Variants in SDCCAG8 observed in about 807,000 individuals in gnomAD.
SDCCAG8 encodes the protein serologically defined colon cancer antigen 8.
Under a neutral mutation model 101.8 loss-of-function variants are expected in SDCCAG8, and 74 were observed. The observed-to-expected ratio is 0.73, with a 90% CI of 0.60 to 0.88. The LOEUF (loss-of-function observed/expected upper bound fraction) is 0.88. Among genes scored for constraint, SDCCAG8 ranks in the 40% least tolerant of loss-of-function variants. The probability of loss-of-function intolerance (pLI) is 0.00; values close to 1 mark genes in which losing one functional copy is unlikely to be tolerated. For synonymous variants in SDCCAG8, 281 were observed against 292.9 expected (o/e 0.96, Z 0.41); for missense variants, 787 against 822.6 (o/e 0.96, Z 0.53).
At chr1:243,308,469 G>A (rs2072383514) in intron 8 of SDCCAG8, among the ~76,000 whole-genome samples, 3 of 152,188 alleles carry the variant, frequency 2.0e-5, no homozygotes, top group African/African-American at 7.2e-5. Flanking sequence ...AGTTCTTTAC[G>A]ATTCTGTCCA....
Position 243,281,650 on chromosome 1 carries a change from C to CTT in SDCCAG8, c.421-4605_421-4604dup, listed in dbSNP as rs35028868. Among the ~76,000 whole-genome samples, 269 of 113,734 alleles carry CTT rather than the reference C, an allele frequency of 2.4e-3. 5 individuals are homozygous for CTT. The highest frequency in any genetic ancestry group is 7.4e-3 in the South Asian group (25 of 3,356). 74.6% of individuals were successfully genotyped at this position (113,734 alleles called of 152,430 possible). ...TTCACTCTTTTTCTGCCTTCTCTGG[C>CTT]TTTTTTTTTTTTTTTTTTAGAGATA... is the stretch of plus-strand genomic sequence containing the variant. On this transcript the variant is annotated intron_variant, in intron 4 of 17. Transcript: ENST00000366541.
At chr1:243,259,016 A>G (rs930170580) in intron 1 of SDCCAG8, among the ~76,000 whole-genome samples, 2 of 152,228 alleles carry the variant, frequency 1.3e-5, no homozygotes, top group Non-Finnish European at 2.9e-5. Flanking sequence ...CACTACTAAT[A>G]TCCCTTCATT....
At chr1:243,392,168 T>C (rs2078743772) in intron 13 of SDCCAG8, among the ~76,000 whole-genome samples, 1 of 152,244 alleles carries the variant, frequency 6.6e-6, no homozygotes, top group Non-Finnish European at 1.5e-5. Flanking sequence ...GAGGCTTATC[T>C]ATTCAGGTAC....
chr1:243,256,486 T>C (rs2066701714), intron 1 of SDCCAG8, among the ~76,000 whole-genome samples: 1 of 152,268 alleles, frequency 6.6e-6, no homozygotes, highest in Admixed American at 6.5e-5. Flanking sequence ...TTGGCATCTT[T>C]CTCAACCGGC....
intron 17 of SDCCAG8, among the ~76,000 whole-genome samples, chr1:243,497,341 G>C (rs970669656): frequency 1.1e-4 from 17 of 149,996 alleles, no homozygotes; most frequent in African/African-American, 1.2e-4. Context: ...CACGGGTGGG[G>C]GGGGGGGCGT....
intron 16 of SDCCAG8, among the ~76,000 whole-genome samples, chr1:243,448,475 CAG>C (rs2083099809): frequency 6.6e-6 from 1 of 152,160 alleles, no homozygotes; most frequent in South Asian, 2.1e-4. Flanking sequence ...ACAATGGTAA[CAG>C]GGGCCTGTGG....
intron 13 of SDCCAG8, among the ~76,000 whole-genome samples, chr1:243,382,909 G>A (rs983142091): frequency 6.6e-6 from 1 of 152,184 alleles, no homozygotes; most frequent in Non-Finnish European, 1.5e-5. Flanking sequence ...ATTGACTAGA[G>A]GATCTGTTAA....
chr1:243,385,787 T>G (rs1224804177), intron 13 of SDCCAG8, among the ~76,000 whole-genome samples: 1 of 152,010 alleles, frequency 6.6e-6, no homozygotes, highest in East Asian at 1.9e-4. Context: ...CTGACCAACA[T>G]GGAGAAACCC....
At chr1:243,431,641 A>T (rs2081771621) in intron 16 of SDCCAG8, among the ~76,000 whole-genome samples, 1 of 152,146 alleles carries the variant, frequency 6.6e-6, no homozygotes, top group African/African-American at 2.4e-5. Flanking sequence ...CATGTTAAAG[A>T]TGGCAGTGCC....
chr1:243,356,881 C>G (rs979661288), intron 12 of SDCCAG8, among the ~76,000 whole-genome samples: 1 of 152,088 alleles, frequency 6.6e-6, no homozygotes, highest in Admixed American at 6.5e-5. Flanking sequence ...GCCTGTAGTT[C>G]CAGCTACATG....
chr1:243,422,720 AG>A (rs2081090233), intron 15 of SDCCAG8, among the ~76,000 whole-genome samples: 1 of 152,226 alleles, frequency 6.6e-6, no homozygotes, highest in East Asian at 1.9e-4. Flanking sequence ...TGTTACCAAA[AG>A]TCAAACTAGA....
At chr1:243,442,636 A>G (rs1200544970) in intron 16 of SDCCAG8, among the ~76,000 whole-genome samples, 2 of 152,182 alleles carry the variant, frequency 1.3e-5, no homozygotes, top group Admixed American at 1.3e-4. Context: ...GTATAGCCAC[A>G]AAAGTTCTTT....
intron 13 of SDCCAG8, among the ~76,000 whole-genome samples, chr1:243,412,263 C>T (rs1014747402): frequency 1.3e-5 from 2 of 152,096 alleles, no homozygotes; most frequent in South Asian, 2.1e-4. Flanking sequence ...AATCCATTAT[C>T]GTATTACCTC....
chr1:243,263,011 G>A (rs899587228), intron 1 of SDCCAG8, among the ~76,000 whole-genome samples: 9 of 152,206 alleles, frequency 5.9e-5, no homozygotes, highest in African/African-American at 2.2e-4. Context: ...TGGATCAGAT[G>A]TGTCCCATCA....
chr1:243,484,035 C>G (rs1044186693), intron 16 of SDCCAG8, among the ~76,000 whole-genome samples: 2 of 152,198 alleles, frequency 1.3e-5, no homozygotes, highest in African/African-American at 4.8e-5. Context: ...CCAGCTCGGC[C>G]CTTCCTAAGC....
intron 4 of SDCCAG8, among the ~76,000 whole-genome samples, chr1:243,277,814 A>G (rs558605172): frequency 2.6e-5 from 4 of 152,204 alleles, no homozygotes; most frequent in East Asian, 3.9e-4. Context: ...ATAGTTGTCC[A>G]TATTTTTGGG....
intron 16 of SDCCAG8, among the ~76,000 whole-genome samples, chr1:243,431,867 G>GT (rs989830315): frequency 9.2e-5 from 14 of 152,124 alleles, no homozygotes; most frequent in Admixed American, 3.3e-4. Context: ...TTTTACAGGA[G>GT]TTTTTTCCCC....
chr1:243,462,846 C>T (rs1156897359), intron 16 of SDCCAG8, among the ~76,000 whole-genome samples: 3 of 149,864 alleles, frequency 2.0e-5, no homozygotes, highest in Admixed American at 6.6e-5. Context: ...CATCTTTTGG[C>T]AAAAAACAAA....
intron 16 of SDCCAG8, among the ~76,000 whole-genome samples, chr1:243,444,377 TG>T (rs1343473068): frequency 6.6e-6 from 1 of 151,674 alleles, no homozygotes; most frequent in Non-Finnish European, 1.5e-5. Flanking sequence ...TTGTTTGTTT[TG>T]TTTTTTTTTT....
Sources: gnomAD v4.1 joint callset for allele counts (sites outside exome capture counted in the v4.1 genomes callset) on GRCh38, gnomAD v4.1.1 for gene constraint, MANE v1.5 for transcripts, NCBI Gene and HGNC (gene_info 2026-07-23, HGNC 2026-07-21) for gene names.